The following RTF1 variants were observed in gnomAD, a reference collection of about 807,000 sequenced individuals.
RTF1 encodes the protein RNA polymerase-associated protein RTF1 homolog.
RTF1 carries 10 observed loss-of-function variants against 95.7 expected under a neutral mutation model. The ratio of observed to expected loss-of-function variants is 0.10; its 90% CI spans 0.06 to 0.18. The LOEUF is 0.18. RTF1 is among the 10% of genes least tolerant of loss of function. RTF1 has a pLI of 1.00. For missense variants in RTF1, 458 were observed against 875.6 expected (o/e 0.52, Z 6.02); for synonymous variants, 305 against 311.8 (o/e 0.98, Z 0.23).
chr15:41,424,374 G>T (rs186777972), intron 1 of RTF1, among the ~76,000 whole-genome samples: 2 of 152,216 alleles, frequency 1.3e-5, no homozygotes, highest in Non-Finnish European at 2.9e-5. Flanking sequence ...AATGTTCATG[G>T]TTGAGGCACC....
At chr15:41,456,929 C>G (rs571688412) in intron 3 of RTF1, among the ~76,000 whole-genome samples, 10 of 152,000 alleles carry the variant, frequency 6.6e-5, no homozygotes, top group Non-Finnish European at 1.2e-4. Context: ...ACTAAAAATA[C>G]AAAAATCAGC....
Position 41,474,490 on chromosome 15 carries a change from C to T in RTF1, c.1204-130C>T, listed in dbSNP as rs1027167556. 4.6e-5 allele frequency: 32 copies of T among 700,960 alleles called. 1 individual carries two copies. The highest frequency in any genetic ancestry group is 1.3e-5 in the Non-Finnish European group (5 of 387,256). 43.4% of individuals were successfully genotyped at this position (700,960 alleles called of 1,614,324 possible). A position where few individuals can be genotyped will look rare whatever the true frequency, so the allele number is the denominator to read the frequency against. On this transcript the variant is annotated intron_variant, in intron 8 of 17. Coordinates refer to ENST00000389629, the MANE Select transcript of RTF1 (RefSeq NM_015138.5). ...ACCTGAGAAACCTTTCTCAGAACCCCTGGCAGCTGTGGACTCTACTCAGCA... is the reference window on the plus strand; with the variant it reads ...ACCTGAGAAACCTTTCTCAGAACCCTTGGCAGCTGTGGACTCTACTCAGCA...
rs377071641 is a variant in RTF1 at position 41,445,077 on chromosome 15, G to A, written c.309+6646G>A. On this transcript the variant is annotated intron_variant, in intron 2 of 17. Coordinates refer to ENST00000389629, the MANE Select transcript of RTF1 (RefSeq NM_015138.5). Reference sequence around the variant, plus strand: ...CTCCCTAGTAGCTGGGACTACAGGCGCCCACCACCAATGCCCAGCTAATTT... The same window carrying A: ...CTCCCTAGTAGCTGGGACTACAGGCACCCACCACCAATGCCCAGCTAATTT... Among the ~76,000 whole-genome samples, 37 of 152,008 alleles carry A rather than the reference G, an allele frequency of 2.4e-4. No homozygotes were observed. In the East Asian group the frequency reaches 6.0e-3, roughly 25 times the overall value.
intron 12 of RTF1, among the ~76,000 whole-genome samples, 167 bp from the exon 13 acceptor site, chr15:41,476,998 T>C (rs908750907): frequency 6.6e-6 from 1 of 152,226 alleles, no homozygotes. Context: ...TACTATAATA[T>C]AAATTATATC....
intron 17 of RTF1, 49 bp downstream of exon 17, chr15:41,480,374 A>C (rs1276942386): frequency 7.5e-7 from 1 of 1,328,086 alleles, no homozygotes; most frequent in Non-Finnish European, 1.1e-6. Context: ...AGATGGATCC[A>C]TGGTTTTCTG....
At chr15:41,475,479 A>T in intron 9 of RTF1, 46 bp from the exon 10 acceptor site, 2 of 1,500,882 alleles carry the variant, frequency 1.3e-6, no homozygotes. Context: ...CTTGTACTAC[A>T]GTCAACATGC....
Position 41,479,225 on chromosome 15 carries a change from G to A in RTF1, c.1914+27G>A, listed in dbSNP as rs556794988. On this transcript the variant is annotated intron_variant, in intron 16 of 17. Coordinates refer to ENST00000389629, the MANE Select transcript of RTF1 (RefSeq NM_015138.5). ...CAAGTGTGGTACCACCCTGTTGCCT[G>A]CTGAGTGAGGCTGCTGGCTGAGATA... The A allele has an allele frequency of 1.1e-5, 16 of 1,449,930 alleles. No homozygotes were observed. The South Asian group carries it at 1.8e-4, about 17-fold the overall frequency. 89.8% of individuals were successfully genotyped at this position (1,449,930 alleles called of 1,614,324 possible).
At chr15:41,473,072 C>G (rs114464193) in intron 8 of RTF1, among the ~76,000 whole-genome samples, 1 of 152,116 alleles carries the variant, frequency 6.6e-6, no homozygotes, top group African/African-American at 2.4e-5. Context: ...TCTCAAACTC[C>G]GGGCCTCAAG....
chr15:41,452,292 C>T (rs1460853842), intron 2 of RTF1, among the ~76,000 whole-genome samples: 3 of 150,346 alleles, frequency 2.0e-5, no homozygotes, highest in Non-Finnish European at 3.0e-5. Context: ...ACAGCTTAGC[C>T]GGGTGTGGTG....
chr15:41,464,736 C>T (rs772407864), intron 4 of RTF1, 35 bp from the exon 5 acceptor site: 4 of 1,485,000 alleles, frequency 2.7e-6, no homozygotes, highest in African/African-American at 2.8e-5. Flanking sequence ...ATATACATTT[C>T]ATTGCTACTT....
chr15:41,432,343 G>A (rs1422599482), intron 1 of RTF1, among the ~76,000 whole-genome samples: 2 of 151,372 alleles, frequency 1.3e-5, no homozygotes, highest in Non-Finnish European at 2.9e-5. Flanking sequence ...GACTACAGGC[G>A]CTCGCCACCA....
intron 1 of RTF1, among the ~76,000 whole-genome samples, chr15:41,426,689 GCCCCCCCCCCCCCCCGCCCCC>G (rs1566835709): frequency 2.2e-4 from 1 of 4,498 alleles, no homozygotes; most frequent in African/African-American, 6.0e-4. Flanking sequence ...GATCCACCCC[GCCCCCCCCCCCCCCCGCCCCC>G]CCCCCCCGCC....
intron 4 of RTF1, among the ~76,000 whole-genome samples, chr15:41,459,224 A>T (rs1449299018): frequency 1.3e-5 from 2 of 152,116 alleles, no homozygotes; most frequent in Non-Finnish European, 2.9e-5. Flanking sequence ...CCTACAAAAA[A>T]TAGTCAGGCA....
At chr15:41,447,428 A>G (rs554818621) in intron 2 of RTF1, among the ~76,000 whole-genome samples, 3 of 152,210 alleles carry the variant, frequency 2.0e-5, no homozygotes, top group African/African-American at 7.2e-5. Context: ...ATAACATTCT[A>G]TACACACTCA....
intron 2 of RTF1, among the ~76,000 whole-genome samples, chr15:41,452,343 G>A (rs1039751919): frequency 1.3e-5 from 2 of 152,114 alleles, no homozygotes; most frequent in African/African-American, 4.8e-5. Flanking sequence ...GGCTGAGGCA[G>A]GAGGATAAGT....
rs1353561355 is a variant in RTF1, at chr15:41,483,536, T to C, written c.*2849T>C. On this transcript the variant is annotated 3_prime_UTR_variant, in exon 18 of 18. Transcript: ENST00000389629. ...ACTCAAACTGTACCAATATTGTAAA[T>C]AAATGTTATGCCATTTTAACAAAGG... 6.6e-6 allele frequency: 1 copy of C among 152,608 alleles called. No homozygotes were observed. The highest frequency in any genetic ancestry group is 2.4e-5 in the African/African-American group (1 of 41,456). 9.5% of individuals were successfully genotyped at this position (152,608 alleles called of 1,614,324 possible). A position where few individuals can be genotyped will look rare whatever the true frequency, so the allele number is the denominator to read the frequency against.
chr15:41,419,107 A>G (rs1566833517), intron 1 of RTF1, among the ~76,000 whole-genome samples: 2 of 152,202 alleles, frequency 1.3e-5, no homozygotes, highest in African/African-American at 2.4e-5. Context: ...TTCTCATTGA[A>G]AGGCTCCTGA....
At chr15:41,429,045 T>C (rs1404895657) in intron 1 of RTF1, among the ~76,000 whole-genome samples, 1 of 152,022 alleles carries the variant, frequency 6.6e-6, no homozygotes, top group Non-Finnish European at 1.5e-5. Context: ...CCACAGCGAA[T>C]TGATTTTTAA....
At chr15:41,467,989 A>G (rs1021314711) in intron 6 of RTF1, among the ~76,000 whole-genome samples, 2 of 152,056 alleles carry the variant, frequency 1.3e-5, no homozygotes, top group African/African-American at 2.4e-5. Context: ...ACAGAGTGAA[A>G]TCCCGTCTCT....
Sources: allele counts gnomAD v4.1 joint callset (sites outside exome capture counted in the v4.1 genomes callset), GRCh38; gene constraint gnomAD v4.1.1; transcripts MANE v1.5; gene names NCBI Gene and HGNC (gene_info 2026-07-23, HGNC 2026-07-21).